RGS6: variants seen among roughly 807,000 people sequenced by gnomAD.
The protein encoded by RGS6 is regulator of G-protein signaling 6.
Under a neutral mutation model 78.5 loss-of-function variants are expected in RGS6, and 30 were observed. That is an observed-to-expected ratio of 0.38 (90% CI 0.29 to 0.52). The LOEUF (loss-of-function observed/expected upper bound fraction) is 0.52, where lower values mean the gene tolerates loss of function less well. RGS6 is among the 20% of genes least tolerant of loss of function. RGS6 has a pLI of 0.85. For missense variants in RGS6, 495 were observed against 609.7 expected, an observed-to-expected ratio of 0.81 and a Z score of 1.98; for synonymous variants, 206 against 206.0, an observed-to-expected ratio of 1.00 and a Z score of 0.00.
chr14:72,281,963 G>A (rs2152248800), intron 2 of RGS6, among the ~76,000 whole-genome samples: 1 of 152,308 alleles, frequency 6.6e-6, no homozygotes, highest in African/African-American at 2.4e-5. Flanking sequence ...GAGAGTGACA[G>A]GCCATTGGTA....
intron 1 of RGS6, among the ~76,000 whole-genome samples, chr14:71,958,381 C>T (rs2092948316): frequency 6.6e-6 from 1 of 152,158 alleles, no homozygotes; most frequent in African/African-American, 2.4e-5. Flanking sequence ...TCATCCATAG[C>T]GTGGGAATAA....
At chr14:72,518,260 G>T in intron 14 of RGS6, 91 bp from the exon 15 acceptor site, 1 of 1,228,632 alleles carries the variant, frequency 8.1e-7, no homozygotes, top group Non-Finnish European at 1.2e-6. Flanking sequence ...CAGCAGAATG[G>T]GTTTCATGGG....
chr14:71,987,099 C>G (rs1387743592), intron 2 of RGS6, among the ~76,000 whole-genome samples: 2 of 152,132 alleles, frequency 1.3e-5, no homozygotes, highest in Non-Finnish European at 2.9e-5. Flanking sequence ...GTGTGGACAT[C>G]TTTGGAGGGC....
At chr14:72,299,449 A>C (rs2065588482) in intron 2 of RGS6, among the ~76,000 whole-genome samples, 1 of 152,254 alleles carries the variant, frequency 6.6e-6, no homozygotes, top group African/African-American at 2.4e-5. Context: ...ATTCATGTAC[A>C]AATGTTTGTG....
At chr14:72,424,804 G>A (rs185030508) in intron 3 of RGS6, among the ~76,000 whole-genome samples, 1 of 152,280 alleles carries the variant, frequency 6.6e-6, no homozygotes, top group East Asian at 1.9e-4. Context: ...TTCTGGGGGG[G>A]CAATGCTATA....
At chr14:72,024,222 C>T (rs897343380) in intron 2 of RGS6, among the ~76,000 whole-genome samples, 1 of 152,146 alleles carries the variant, frequency 6.6e-6, no homozygotes, top group African/African-American at 2.4e-5. Flanking sequence ...AAAATCACTC[C>T]AGTGAACACA....
intron 2 of RGS6, among the ~76,000 whole-genome samples, chr14:72,332,622 G>A (rs563116895): frequency 9.2e-5 from 14 of 152,256 alleles, no homozygotes; most frequent in African/African-American, 2.6e-4. Context: ...TGCAGGGAAC[G>A]GAAAGGAGCC....
chr14:72,240,007 A>G (rs1355166468), intron 2 of RGS6, among the ~76,000 whole-genome samples: 1 of 152,042 alleles, frequency 6.6e-6, no homozygotes, highest in Non-Finnish European at 1.5e-5. Flanking sequence ...GTAACTGTTG[A>G]GGGTGTCCTA....
intron 2 of RGS6, among the ~76,000 whole-genome samples, chr14:72,096,504 T>G (rs1339486192): frequency 1.3e-5 from 2 of 152,156 alleles, no homozygotes; most frequent in Non-Finnish European, 2.9e-5. Context: ...CTTCTTTGAT[T>G]TCATATTTTT....
At position 72,167,358 on chromosome 14, in the gene RGS6, T is replaced by C. The variant is rs2096942425; in HGVS notation, c.85-184737T>C. Among the ~76,000 whole-genome samples the C allele has an allele frequency of 1.3e-5, 2 of 152,238 alleles. 1 individual carries two copies. The highest frequency in any genetic ancestry group is 4.1e-4 in the South Asian group (2 of 4,834). Reference sequence around the variant, plus strand: ...TGGCAAGACAGAAGTCACAATTATATATAATGGAATCACTGAAGTGACATC... The same window carrying C: ...TGGCAAGACAGAAGTCACAATTATACATAATGGAATCACTGAAGTGACATC... On this transcript the variant is annotated intron_variant, in intron 2 of 17. Transcript: ENST00000553525.
At chr14:72,260,491 A>G (rs1325162421) in intron 2 of RGS6, among the ~76,000 whole-genome samples, 1 of 152,222 alleles carries the variant, frequency 6.6e-6, no homozygotes, top group Non-Finnish European at 1.5e-5. Flanking sequence ...TCTAGCCAAC[A>G]TTAGAGATGA....
intron 2 of RGS6, among the ~76,000 whole-genome samples, chr14:72,257,858 A>AG (rs2057382847): frequency 6.6e-6 from 1 of 152,196 alleles, no homozygotes; most frequent in Non-Finnish European, 1.5e-5. Flanking sequence ...CCATGAAGTC[A>AG]ATGGAAAAGA....
At chr14:72,298,820 T>C (rs975539697) in intron 2 of RGS6, among the ~76,000 whole-genome samples, 1 of 152,212 alleles carries the variant, frequency 6.6e-6, no homozygotes, top group African/African-American at 2.4e-5. Flanking sequence ...AAATGTTCTC[T>C]CCTCTGTTTC....
chr14:72,367,281 C>T (rs1031682330), intron 3 of RGS6, among the ~76,000 whole-genome samples: 3 of 152,164 alleles, frequency 2.0e-5, no homozygotes, highest in East Asian at 3.8e-4. Context: ...GGTCTGGACT[C>T]GGGATCCTCT....
At chr14:72,574,849 A>G in the RGS6 span, among the ~76,000 whole-genome samples, 2 of 152,168 alleles carry the variant, frequency 1.3e-5, no homozygotes, top group African/African-American at 4.8e-5. Context: ...AGAGACTGAG[A>G]AAGGTCAGAC....
chr14:71,869,395 T>C, the RGS6 span, among the ~76,000 whole-genome samples: 8 of 152,314 alleles, frequency 5.3e-5, 2 homozygotes, highest in African/African-American at 1.9e-4. Flanking sequence ...CTACCATGAC[T>C]GTGATTCCAG....
chr14:72,246,987 A>G (rs534000238), intron 2 of RGS6, among the ~76,000 whole-genome samples: 13 of 152,070 alleles, frequency 8.5e-5, no homozygotes, highest in African/African-American at 2.9e-4. Context: ...TGGCTGTCAG[A>G]TATGCTGGGG....
At chr14:72,172,794 G>A (rs1159244014) in intron 2 of RGS6, among the ~76,000 whole-genome samples, 2 of 152,208 alleles carry the variant, frequency 1.3e-5, no homozygotes, top group Non-Finnish European at 2.9e-5. Context: ...GGACTTGAAT[G>A]TCTAGTCAAG....
chr14:72,048,808 A>G (rs955389991), intron 2 of RGS6, among the ~76,000 whole-genome samples: 2 of 152,176 alleles, frequency 1.3e-5, no homozygotes, highest in African/African-American at 4.8e-5. Context: ...CTAACAGTAC[A>G]TAGCCATTGC....
Sources: allele counts gnomAD v4.1 joint callset (sites outside exome capture counted in the v4.1 genomes callset), GRCh38; gene constraint gnomAD v4.1.1; transcripts MANE v1.5; gene names NCBI Gene and HGNC (gene_info 2026-07-23, HGNC 2026-07-21).